PPP2R2B: variants seen among roughly 807,000 people sequenced by gnomAD.
The protein encoded by PPP2R2B is serine/threonine-protein phosphatase 2A 55 kDa regulatory subunit B beta isoform.
Under a neutral mutation model 46.0 loss-of-function variants are expected in PPP2R2B, and 5 were observed. That is an observed-to-expected ratio of 0.11 (90% CI 0.06 to 0.23). The LOEUF is 0.23. PPP2R2B is among the 10% of genes least tolerant of loss of function. The pLI is 1.00. For missense variants in PPP2R2B, 367 were observed against 575.0 expected (o/e 0.64, Z 3.70); for synonymous variants, 215 against 206.7 (o/e 1.04, Z -0.34).
chr5:146,821,956 G>A (rs1446288932), intron 2 of PPP2R2B, among the ~76,000 whole-genome samples: 3 of 152,168 alleles, frequency 2.0e-5, no homozygotes, highest in Non-Finnish European at 4.4e-5. Context: ...GACAACGTAA[G>A]TAACTGTGTT....
chr5:146,695,699 G>A (rs1355583430), intron 4 of PPP2R2B, among the ~76,000 whole-genome samples: 1 of 152,116 alleles, frequency 6.6e-6, no homozygotes, highest in Admixed American at 6.5e-5. Context: ...AATGAGTAAT[G>A]ACTTTTTCTT....
At chr5:146,778,814 A>G (rs1277274721) in intron 2 of PPP2R2B, among the ~76,000 whole-genome samples, 1 of 152,212 alleles carries the variant, frequency 6.6e-6, no homozygotes, top group East Asian at 1.9e-4. Flanking sequence ...TAATCAACAC[A>G]TCTGTGCTTT....
At chr5:146,917,447 G>A (rs1763432110) in intron 1 of PPP2R2B, among the ~76,000 whole-genome samples, 3 of 152,172 alleles carry the variant, frequency 2.0e-5, no homozygotes, top group Admixed American at 2.0e-4. Flanking sequence ...CATTATATAT[G>A]AGCCTCAGAG....
At chr5:146,643,360 T>A (rs943578219) in intron 6 of PPP2R2B, among the ~76,000 whole-genome samples, 1 of 140,532 alleles carries the variant, frequency 7.1e-6, no homozygotes. Context: ...GGAGCCTATA[T>A]TCTAGTAGGG....
chr5:146,854,379 C>T lies in PPP2R2B; in HGVS notation c.70+23623G>A, dbSNP rs182365518. Among the ~76,000 whole-genome samples, 15 of 152,162 alleles carry T rather than the reference C, an allele frequency of 9.9e-5. No individual in the cohort carries two copies. The East Asian group carries it at 1.4e-3, about 14-fold the overall frequency. On this transcript the variant is annotated intron_variant, in intron 2 of 9. Transcript: ENST00000394411. ...TGTATAATGATCAAGTTATGGTATT[C>T]GGGTTATTTATCACCTTGAGTATTT...
chr5:146,615,555 AAAC>A (rs1022721475), intron 7 of PPP2R2B, among the ~76,000 whole-genome samples: 61 of 151,346 alleles, frequency 4.0e-4, no homozygotes, highest in African/African-American at 1.2e-4. Flanking sequence ...TTAGAACTGA[AAAC>A]AAATTCAGTA....
intron 2 of PPP2R2B, among the ~76,000 whole-genome samples, chr5:146,763,224 A>G (rs1754273058): frequency 2.0e-5 from 3 of 152,202 alleles, no homozygotes; most frequent in Admixed American, 2.0e-4. Context: ...GTAAGCAAAC[A>G]TGAAGGAGGA....
chr5:146,745,915 G>A (rs978044434), intron 2 of PPP2R2B, among the ~76,000 whole-genome samples: 37 of 151,596 alleles, frequency 2.4e-4, no homozygotes, highest in Non-Finnish European at 4.4e-4. Flanking sequence ...CCAAGATTGT[G>A]CCACTGCACT....
chr5:147,008,370 TATTCATAAAATATTTTA>T (rs887338595), intron 1 of PPP2R2B, among the ~76,000 whole-genome samples: 5 of 152,162 alleles, frequency 3.3e-5, no homozygotes, highest in Non-Finnish European at 5.9e-5. Flanking sequence ...AATGTTAATT[TATTCATAAAATATTTTA>T]ATTCATAAAA....
Position 146,865,967 on chromosome 5 carries a change from C to T in PPP2R2B, c.70+12035G>A, listed in dbSNP as rs78841787. On this transcript the variant is annotated intron_variant, in intron 2 of 9. Transcript: ENST00000394411. ...CTTAGACGATTAATACTGTTTGGAC[C>T]TCTATTAGGTTCCCGGTACTCTTCT... Among the ~76,000 whole-genome samples the T allele has an allele frequency of 6.6e-5, 10 of 152,270 alleles. No individual in the cohort carries two copies. In the East Asian group the frequency reaches 1.9e-3, roughly 29 times the overall value.
At chr5:146,653,977 C>T (rs773506069) in intron 5 of PPP2R2B, among the ~76,000 whole-genome samples, 2 of 152,176 alleles carry the variant, frequency 1.3e-5, no homozygotes, top group Non-Finnish European at 2.9e-5. Context: ...AAGCAGGACA[C>T]GATGGACCGA....
intron 1 of PPP2R2B, among the ~76,000 whole-genome samples, chr5:147,010,741 C>A (rs994723704): frequency 6.6e-6 from 1 of 152,094 alleles, no homozygotes; most frequent in African/African-American, 2.4e-5. Flanking sequence ...GGCCACGGAT[C>A]GGTAGTAATC....
At chr5:146,862,324 C>T (rs182936395) in intron 2 of PPP2R2B, among the ~76,000 whole-genome samples, 6 of 152,284 alleles carry the variant, frequency 3.9e-5, no homozygotes. Context: ...GCCAAGAACC[C>T]TACTGTCCTT....
chr5:146,892,335 C>T (rs532105798), intron 1 of PPP2R2B, among the ~76,000 whole-genome samples: 3 of 152,220 alleles, frequency 2.0e-5, no homozygotes, highest in African/African-American at 4.8e-5. Context: ...TGTAAAATAG[C>T]GTTGAAATAA....
intron 2 of PPP2R2B, among the ~76,000 whole-genome samples, chr5:146,798,712 A>G (rs1223705730): frequency 2.6e-5 from 4 of 152,214 alleles, no homozygotes; most frequent in African/African-American, 9.6e-5. Context: ...ACATAGCGAG[A>G]TGCTTTGCTT....
intron 2 of PPP2R2B, among the ~76,000 whole-genome samples, chr5:146,871,946 G>T (rs1279319820): frequency 6.6e-6 from 1 of 152,168 alleles, no homozygotes; most frequent in African/African-American, 2.4e-5. Flanking sequence ...GTAAACATAA[G>T]AAATACCTAG....
intron 2 of PPP2R2B, among the ~76,000 whole-genome samples, chr5:146,733,460 C>T (rs1005490009): frequency 6.6e-6 from 1 of 152,146 alleles, no homozygotes; most frequent in Non-Finnish European, 1.5e-5. Context: ...TATAAATATT[C>T]TAAATGAGTA....
At chr5:146,833,294 G>A (rs1759073094) in intron 2 of PPP2R2B, among the ~76,000 whole-genome samples, 1 of 152,120 alleles carries the variant, frequency 6.6e-6, no homozygotes. Flanking sequence ...ACATCCCCAA[G>A]TAGAAGAGAG....
At chr5:146,992,809 G>A (rs1250959237) in intron 1 of PPP2R2B, among the ~76,000 whole-genome samples, 1 of 152,220 alleles carries the variant, frequency 6.6e-6, no homozygotes, top group Non-Finnish European at 1.5e-5. Context: ...TGAAAGCATA[G>A]GCTCTCCACT....
Sources: allele counts gnomAD v4.1 joint callset (sites outside exome capture counted in the v4.1 genomes callset), GRCh38; gene constraint gnomAD v4.1.1; transcripts MANE v1.5; gene names NCBI Gene and HGNC (gene_info 2026-07-23, HGNC 2026-07-21).